The following TTF1 variants were observed in gnomAD, a reference collection of about 807,000 sequenced individuals.
TTF1 encodes the protein transcription termination factor 1.
TTF1 carries 64 observed loss-of-function variants against 80.2 expected under a neutral mutation model. That is an observed-to-expected ratio of 0.80 (90% CI 0.65 to 0.98). The LOEUF (loss-of-function observed/expected upper bound fraction) is 0.98. TTF1 is among the 50% of genes least tolerant of loss of function. The probability of loss-of-function intolerance (pLI) is 0.00; values close to 1 mark genes in which losing one functional copy is unlikely to be tolerated. For synonymous variants in TTF1, 372 were observed against 382.7 expected (o/e 0.97, Z 0.33); for missense variants, 1,023 against 1,086.2 (o/e 0.94, Z 0.82).
intron 9 of TTF1, among the ~76,000 whole-genome samples, chr9:132,383,534 A>G (rs1849408669): frequency 6.6e-6 from 1 of 152,198 alleles, no homozygotes; most frequent in South Asian, 2.1e-4. Context: ...AACGTAGCAG[A>G]ATGTTCAGAA....
intron 1 of TTF1, among the ~76,000 whole-genome samples, chr9:132,404,612 T>A (rs1400397614): frequency 6.6e-6 from 1 of 151,836 alleles, no homozygotes; most frequent in Non-Finnish European, 1.5e-5. Context: ...AAAAAAAAAA[T>A]GCAACTGTCG....
chr9:132,398,223 C>T lies in TTF1; in HGVS notation c.1695G>A (p.Lys565=), dbSNP rs748657112. 3.1e-6 allele frequency: 5 copies of T among 1,604,910 alleles called. No homozygotes were observed. The highest frequency in any genetic ancestry group is 1.3e-5 in the African/African-American group (1 of 74,292). ...LALTGIESAD[K]LLYTDRYPEE... ...CAGGATATCTGTCCGTGTACAGCAG[C>T]TTGTCTGCACTCTCAATGCCTGTCA... Residue 565 remains lysine, a synonymous_variant, in exon 4 of 11, where the codon AAG becomes AAA. Coordinates refer to ENST00000334270, the MANE Select transcript of TTF1 (RefSeq NM_007344.4).
intron 10 of TTF1, among the ~76,000 whole-genome samples, chr9:132,378,148 GGT>G (rs1312255239): frequency 8.7e-5 from 10 of 114,822 alleles, no homozygotes; most frequent in South Asian, 2.9e-4. Flanking sequence ...GAGTGCATGT[GGT>G]GTGTGTGAGT....
intron 9 of TTF1, among the ~76,000 whole-genome samples, chr9:132,380,226 C>G (rs1026942132): frequency 1.3e-5 from 2 of 152,206 alleles, no homozygotes; most frequent in Admixed American, 1.3e-4. Flanking sequence ...CCCACCACCA[C>G]GCCCAGCTAA....
At chr9:132,403,510 C>G (rs1265026528) in intron 1 of TTF1, among the ~76,000 whole-genome samples, 9 of 152,110 alleles carry the variant, frequency 5.9e-5, no homozygotes, top group Admixed American at 5.2e-4. Context: ...GCCTCCCCAC[C>G]CTCCTTGCCT....
At chr9:132,391,104 C>G (rs1849551410) in intron 6 of TTF1, among the ~76,000 whole-genome samples, 1 of 152,196 alleles carries the variant, frequency 6.6e-6, no homozygotes, top group East Asian at 1.9e-4. Context: ...CATCCTGTTT[C>G]TGAGAACGTC....
rs981353111 is a variant in TTF1, at chr9:132,400,271, A to C, written c.1368-13T>G. ...TGCAGGTTCTAACCTAAGGGGTTAG[A>C]AAATTGGGTTGACTAACATTAACAC... is the stretch of plus-strand genomic sequence containing the variant. On this transcript the variant is annotated splice_polypyrimidine_tract_variant and intron_variant, in intron 2 of 10. Transcript: ENST00000334270. 6.2e-7 allele frequency: 1 copy of C among 1,611,998 alleles called. No homozygotes were observed. Among genetic ancestry groups the C allele is most frequent in the East Asian group, 2.2e-5 (1 of 44,876 alleles).
chr9:132,399,587 G>A (rs1401342740), intron 3 of TTF1, among the ~76,000 whole-genome samples: 1 of 151,982 alleles, frequency 6.6e-6, no homozygotes, highest in Non-Finnish European at 1.5e-5. Flanking sequence ...TAATAAGAGA[G>A]GTTCAGAAAC....
chr9:132,392,971 G>C (rs1479396109), intron 5 of TTF1, among the ~76,000 whole-genome samples: 2 of 152,106 alleles, frequency 1.3e-5, no homozygotes, highest in Non-Finnish European at 1.5e-5. Flanking sequence ...TCAAAACCCA[G>C]CATGTGTTTT....
intron 10 of TTF1, among the ~76,000 whole-genome samples, chr9:132,378,271 T>G: frequency 9.1e-6 from 1 of 110,074 alleles, no homozygotes; most frequent in Non-Finnish European, 1.8e-5. Flanking sequence ...TGAGTGCATG[T>G]GGTGTGTGAA....
rs1849651090 is a variant in TTF1 at position 132,396,488 on chromosome 9, T to C, written c.1801A>G (p.Lys601Glu). ...TTCTTTGCTCGATAGTATATAAGTT[T>C]CCAGGGCCGGGCAATGTTCCTACCT... The part of the protein sequence containing the change: ...HIGRNIARPW[K>E]LIYYRAKKMF... Residue 601 changes from lysine to glutamate, a missense_variant, in exon 5 of 11, where the codon AAA becomes GAA. Lys to Glu is a moderately conservative substitution (Grantham distance 56). Coordinates refer to ENST00000334270, the MANE Select transcript of TTF1 (RefSeq NM_007344.4). The C allele has an allele frequency of 1.2e-6, 2 of 1,614,154 alleles. No homozygotes were observed. The highest frequency in any genetic ancestry group is 1.7e-6 in the Non-Finnish European group (2 of 1,180,020).
rs1220799464 is a variant in TTF1, at chr9:132,378,653, G to A, written c.2464+406C>T. Among the ~76,000 whole-genome samples, 100 of 128,328 alleles carry A rather than the reference G, an allele frequency of 7.8e-4. 1 individual carries two copies. Among genetic ancestry groups the A allele is most frequent in the African/African-American group, 2.9e-3 (94 of 32,144 alleles). The allele number at this position is 128,328 out of a possible 152,430, so 84.2% of individuals were successfully genotyped here. A position where few individuals can be genotyped will look rare whatever the true frequency, so the allele number is the denominator to read the frequency against. On this transcript the variant is annotated intron_variant, in intron 10 of 10. Coordinates refer to ENST00000334270, the MANE Select transcript of TTF1 (RefSeq NM_007344.4). Reference sequence around the variant, plus strand: ...GTTGGTGTGAGTGCATGTGGTGTGAGTGCATACGTGTGTGAGTGCATGCAT... The same window carrying A: ...GTTGGTGTGAGTGCATGTGGTGTGAATGCATACGTGTGTGAGTGCATGCAT...
chr9:132,391,063 T>C (rs780983196), intron 6 of TTF1, among the ~76,000 whole-genome samples: 1 of 152,224 alleles, frequency 6.6e-6, no homozygotes, highest in African/African-American at 2.4e-5. Flanking sequence ...CTTAAAGCAA[T>C]GTTTTATTTA....
chr9:132,383,812 A>C (rs541914491), intron 9 of TTF1, among the ~76,000 whole-genome samples: 1 of 152,272 alleles, frequency 6.6e-6, no homozygotes, highest in African/African-American at 2.4e-5. Flanking sequence ...TTCCTCACCC[A>C]AGACTGTATC....
At chr9:132,400,394 G>C in intron 2 of TTF1, 136 bp from the exon 3 acceptor site, 1 of 684,748 alleles carries the variant, frequency 1.5e-6, no homozygotes, top group East Asian at 2.7e-5. Context: ...TGCGATCTCA[G>C]CTCACTGCAA....
At chr9:132,380,878 T>C (rs1484687604) in intron 9 of TTF1, among the ~76,000 whole-genome samples, 1 of 152,178 alleles carries the variant, frequency 6.6e-6, no homozygotes, top group African/African-American at 2.4e-5. Flanking sequence ...AGTTACCCCC[T>C]ACCTGGATTT....
At chr9:132,383,206 C>G (rs189382976) in intron 9 of TTF1, among the ~76,000 whole-genome samples, 42 of 149,220 alleles carry the variant, frequency 2.8e-4, no homozygotes, top group Admixed American at 2.0e-3. Flanking sequence ...TGAGATCACA[C>G]CATTGTAACT....
intron 9 of TTF1, among the ~76,000 whole-genome samples, chr9:132,382,859 A>C (rs141167146): frequency 1.6e-3 from 247 of 151,726 alleles, no homozygotes; most frequent in Non-Finnish European, 2.8e-3. Flanking sequence ...TGAGGTAAGG[A>C]GTTTGAGACC....
chr9:132,385,670 CCCCCGACGT>C (rs2131628310), intron 9 of TTF1, among the ~76,000 whole-genome samples: 1 of 152,316 alleles, frequency 6.6e-6, no homozygotes, highest in African/African-American at 2.4e-5. Flanking sequence ...TATCTGATTG[CCCCCGACGT>C]CCCTTCTACT....
Sources: gnomAD v4.1 joint callset for allele counts (sites outside exome capture counted in the v4.1 genomes callset) on GRCh38, gnomAD v4.1.1 for gene constraint, MANE v1.5 for transcripts, NCBI Gene and HGNC (gene_info 2026-07-23, HGNC 2026-07-21) for gene names.